The following BRINP3 variants were observed in gnomAD, a reference collection of about 807,000 sequenced individuals.
BRINP3 encodes the protein BMP/retinoic acid inducible neural specific 3.
In BRINP3, 19 loss-of-function variants were observed where a neutral mutation model predicts 71.0. That is an observed-to-expected ratio of 0.27 (90% CI 0.19 to 0.39). The LOEUF (loss-of-function observed/expected upper bound fraction) is 0.39, where lower values mean the gene tolerates loss of function less well. Among genes scored for constraint, BRINP3 ranks in the 10% least tolerant of loss-of-function variants. The pLI is 1.00. For synonymous variants in BRINP3, 380 were observed against 337.7 expected, an observed-to-expected ratio of 1.13 and a Z score of -1.37; for missense variants, 959 against 940.8, an observed-to-expected ratio of 1.02 and a Z score of -0.25.
intron 2 of BRINP3, among the ~76,000 whole-genome samples, chr1:190,376,332 A>T (rs1267256649): frequency 2.0e-5 from 3 of 152,034 alleles, no homozygotes; most frequent in East Asian, 1.9e-4. Flanking sequence ...ATGCACATTT[A>T]AAAAATTCAA....
At chr1:190,380,755 C>T (rs1017824007) in intron 2 of BRINP3, among the ~76,000 whole-genome samples, 3 of 151,960 alleles carry the variant, frequency 2.0e-5, no homozygotes, top group African/African-American at 2.4e-5. Flanking sequence ...ATAATAATGA[C>T]AACACTTAAT....
chr1:190,234,576 T>A, intron 4 of BRINP3, 99 bp from the exon 5 acceptor site: 2 of 812,120 alleles, frequency 2.5e-6, no homozygotes, highest in Non-Finnish European at 4.0e-6. Flanking sequence ...CGTTTGACAG[T>A]AAATATCACT....
In BRINP3 at chr1:190,098,197, C is replaced by G. The variant is rs1651365883; in HGVS notation, c.2122G>C (p.Asp708His). 1.2e-6 allele frequency: 2 copies of G among 1,614,042 alleles called. No homozygotes were observed. Among genetic ancestry groups the G allele is most frequent in the Non-Finnish European group, 1.7e-6 (2 of 1,180,042 alleles). ...GGTGGGGAGAGTTTATTTACACGGTCTCTGATCTCTAGTAGTTGCAAAAGT... is the reference window on the plus strand; with the variant it reads ...GGTGGGGAGAGTTTATTTACACGGTGTCTGATCTCTAGTAGTTGCAAAAGT... ...SALLQLLEIRDRVNKLSPPGQ... is the reference protein window; with the variant it reads ...SALLQLLEIRHRVNKLSPPGQ... The change falls in exon 8 of 8, where the codon GAC becomes CAC. Residue 708 changes from aspartate (D) to histidine (H), a missense_variant. Coordinates refer to ENST00000367462, the MANE Select transcript of BRINP3 (RefSeq NM_199051.3).
intron 2 of BRINP3, among the ~76,000 whole-genome samples, chr1:190,372,349 T>A (rs901914273): frequency 6.6e-6 from 1 of 152,162 alleles, no homozygotes; most frequent in Non-Finnish European, 1.5e-5. Context: ...TATCCTGCAA[T>A]GAACCATCCT....
chr1:190,206,998 T>G (rs1186149494), intron 6 of BRINP3, among the ~76,000 whole-genome samples: 3 of 149,756 alleles, frequency 2.0e-5, no homozygotes, highest in Non-Finnish European at 4.5e-5. Context: ...GTTTTTTTGT[T>G]TTTTTTTTTC....
chr1:190,160,649 A>G lies in BRINP3; in HGVS notation c.1184+19T>C, dbSNP rs761082089. The G allele has an allele frequency of 6.3e-7, 1 of 1,599,366 alleles. No individual in the cohort carries two copies. Among genetic ancestry groups the G allele is most frequent in the Non-Finnish European group, 8.5e-7 (1 of 1,172,542 alleles). ...TTCGGCAATAAACTTAATTGCTTAC[A>G]TTACCACAAATGTCTTACCTTTGTC... is the stretch of plus-strand genomic sequence containing the variant. On this transcript the variant is annotated intron_variant, in intron 7 of 7. Coordinates refer to ENST00000367462, the MANE Select transcript of BRINP3 (RefSeq NM_199051.3).
intron 2 of BRINP3, among the ~76,000 whole-genome samples, chr1:190,401,178 T>C (rs1671895207): frequency 6.6e-6 from 1 of 151,866 alleles, no homozygotes; most frequent in Non-Finnish European, 1.5e-5. Context: ...GCCAACATTG[T>C]GAAACCCCGT....
chr1:190,266,801 G>GT (rs1558126452), intron 3 of BRINP3, among the ~76,000 whole-genome samples: 1 of 152,150 alleles, frequency 6.6e-6, no homozygotes, highest in East Asian at 1.9e-4. Flanking sequence ...GGTGGTCTAA[G>GT]TAAGTACTCA....
intron 3 of BRINP3, among the ~76,000 whole-genome samples, chr1:190,272,659 T>G (rs1202217276): frequency 1.3e-5 from 2 of 151,424 alleles, no homozygotes; most frequent in Non-Finnish European, 3.0e-5. Flanking sequence ...TAGTCATAAT[T>G]GTTTCTAATG....
intron 2 of BRINP3, among the ~76,000 whole-genome samples, chr1:190,446,885 A>C (rs754650940): frequency 2.2e-4 from 34 of 152,056 alleles, no homozygotes; most frequent in Non-Finnish European, 3.8e-4. Context: ...ATCCAAATGC[A>C]AAGCCAGTGC....
At chr1:190,341,581 C>A (rs554505648) in intron 2 of BRINP3, among the ~76,000 whole-genome samples, 1 of 151,604 alleles carries the variant, frequency 6.6e-6, no homozygotes, top group Non-Finnish European at 1.5e-5. Flanking sequence ...TGAGTAAAGA[C>A]CACACATATA....
intron 2 of BRINP3, among the ~76,000 whole-genome samples, chr1:190,327,398 T>C (rs998328300): frequency 7.8e-5 from 10 of 128,356 alleles, no homozygotes; most frequent in Middle Eastern, 4.5e-3. Flanking sequence ...CCAATCTGTC[T>C]GCTGTATTCA....
At chr1:190,410,700 CA>C (rs759944147) in intron 2 of BRINP3, among the ~76,000 whole-genome samples, 3 of 151,956 alleles carry the variant, frequency 2.0e-5, no homozygotes, top group Non-Finnish European at 4.4e-5. Context: ...TTTTAAAAAA[CA>C]AGTGAAGCAA....
intron 4 of BRINP3, among the ~76,000 whole-genome samples, chr1:190,254,926 T>C (rs1011099328): frequency 6.6e-6 from 1 of 152,192 alleles, no homozygotes; most frequent in Non-Finnish European, 1.5e-5. Context: ...ATAACTCTTA[T>C]TATTTTGAGA....
At chr1:190,172,168 GA>G (rs971733653) in intron 6 of BRINP3, among the ~76,000 whole-genome samples, 12 of 147,170 alleles carry the variant, frequency 8.2e-5, no homozygotes, top group Non-Finnish European at 1.5e-5. Flanking sequence ...CCTACTAGAT[GA>G]AAAATAAAAA....
intron 2 of BRINP3, among the ~76,000 whole-genome samples, chr1:190,345,974 T>C (rs921678610): frequency 6.6e-6 from 1 of 151,894 alleles, no homozygotes; most frequent in African/African-American, 2.4e-5. Flanking sequence ...TTAAATAAAT[T>C]ATAATAGTCA....
intron 4 of BRINP3, among the ~76,000 whole-genome samples, chr1:190,259,800 C>T (rs571081784): frequency 9.9e-5 from 15 of 151,676 alleles, no homozygotes; most frequent in Non-Finnish European, 1.5e-4. Flanking sequence ...GAGGCTGAGG[C>T]GGGTGAAACA....
intron 2 of BRINP3, among the ~76,000 whole-genome samples, chr1:190,301,677 G>A (rs1664750949): frequency 6.6e-6 from 1 of 151,786 alleles, no homozygotes; most frequent in South Asian, 2.1e-4. Context: ...AAAGCAAGGT[G>A]AGAAAACTAT....
At chr1:190,113,953 A>C (rs1405415722) in intron 7 of BRINP3, among the ~76,000 whole-genome samples, 2 of 152,166 alleles carry the variant, frequency 1.3e-5, no homozygotes, top group Non-Finnish European at 2.9e-5. Context: ...CTACCTGAAG[A>C]CTCAGGAATC....
Sources: allele counts gnomAD v4.1 joint callset (sites outside exome capture counted in the v4.1 genomes callset), GRCh38; gene constraint gnomAD v4.1.1; transcripts MANE v1.5; gene names NCBI Gene and HGNC (gene_info 2026-07-23, HGNC 2026-07-21).